The following TENM1 variants were observed in gnomAD, a reference collection of about 807,000 sequenced individuals.
TENM1 encodes the protein teneurin transmembrane protein 1.
In TENM1, 35 loss-of-function variants were observed where a neutral mutation model predicts 174.8. The observed-to-expected ratio is 0.20, with a 90% confidence interval of 0.15 to 0.27. The LOEUF (loss-of-function observed/expected upper bound fraction) is 0.27, where lower values mean the gene tolerates loss of function less well. Among genes scored for constraint, TENM1 ranks in the 10% least tolerant of loss-of-function variants. The pLI, the probability that TENM1 is intolerant of heterozygous loss-of-function variation, is 1.00. For synonymous variants in TENM1, 781 were observed against 798.7 expected (o/e 0.98, Z 0.37); for missense variants, 1,633 against 2,130.1 (o/e 0.77, Z 4.59).
chrX:124,529,125 C>T (rs1340462608), intron 16 of TENM1, among the ~76,000 whole-genome samples: 1 of 111,459 alleles, frequency 9.0e-6, no homozygotes, highest in African/African-American at 3.3e-5. Flanking sequence ...GAGACTAGGG[C>T]ACCTCAAAGC....
At chrX:124,832,846 A>T (rs189084400) in intron 3 of TENM1, among the ~76,000 whole-genome samples, 188 of 112,407 alleles carry the variant, frequency 1.7e-3, no homozygotes, top group Non-Finnish European at 2.7e-3. Flanking sequence ...AAGTGCAGGG[A>T]TTACAACTGT....
intron 3 of TENM1, among the ~76,000 whole-genome samples, chrX:124,821,256 T>C (rs1218268362): frequency 8.9e-6 from 1 of 111,939 alleles, no homozygotes; most frequent in Non-Finnish European, 1.9e-5. Context: ...GTCCTTCCAT[T>C]TCTGAGTCAC....
Position 124,680,916 on chromosome X carries a change from C to G in TENM1, c.1016-9081G>C, listed in dbSNP as rs765680836. ...TTGAGTACTTATTGGCAATAGTAAC[C>G]AGGTTCTTTTAAAAAGACCCAAATA... On this transcript the variant is annotated intron_variant, in intron 5 of 31. Coordinates refer to ENST00000422452, the Ensembl canonical transcript of TENM1. 3.6e-5 allele frequency among the ~76,000 whole-genome samples: 4 copies of G among 110,207 alleles called. No individual in the cohort carries two copies. The South Asian group carries it at 1.5e-3, about 42-fold the overall frequency.
At chrX:125,069,953 T>C in the TENM1 span, among the ~76,000 whole-genome samples, 27 of 110,180 alleles carry the variant, frequency 2.5e-4, no homozygotes, top group African/African-American at 6.3e-4. Context: ...TGGTAGCCCA[T>C]GCCTATACTC....
the TENM1 span, among the ~76,000 whole-genome samples, chrX:125,081,550 C>A: frequency 9.0e-6 from 1 of 111,045 alleles, no homozygotes; most frequent in Non-Finnish European, 1.9e-5. Flanking sequence ...TCCCTCCTAT[C>A]TCACACAGAC....
intron 11 of TENM1, among the ~76,000 whole-genome samples, chrX:124,612,288 T>A (rs987808838): frequency 9.1e-6 from 1 of 110,019 alleles, no homozygotes; most frequent in African/African-American, 3.3e-5. Context: ...GGCGGGGAGC[T>A]TTTCAAACTA....
chrX:125,175,793 T>C, the TENM1 span, among the ~76,000 whole-genome samples: 1 of 111,584 alleles, frequency 9.0e-6, no homozygotes, highest in Non-Finnish European at 1.9e-5. Flanking sequence ...AGCAATACCA[T>C]GACAAATGTG....
chrX:124,731,325 T>C (rs368953163), intron 4 of TENM1, among the ~76,000 whole-genome samples: 1 of 112,118 alleles, frequency 8.9e-6, no homozygotes, highest in African/African-American at 3.2e-5. Context: ...AGAATGATGA[T>C]AGACTTGAAA....
chrX:124,829,520 A>T (rs1275817686), intron 3 of TENM1, among the ~76,000 whole-genome samples: 4 of 111,886 alleles, frequency 3.6e-5, no homozygotes. Flanking sequence ...CCTATTTTTT[A>T]ATATTCGTTG....
the TENM1 span, among the ~76,000 whole-genome samples, chrX:124,993,093 A>G: frequency 0.2 from 22,482 of 110,167 alleles, 2,183 homozygotes; most frequent in African/African-American, 0.36. Context: ...ATCTCCGGTT[A>G]GAGTGTTCAA....
chrX:124,572,589 A>C (rs2049079869), intron 11 of TENM1, among the ~76,000 whole-genome samples: 1 of 111,348 alleles, frequency 9.0e-6, no homozygotes, highest in African/African-American at 3.3e-5. Context: ...AGTCAGCACA[A>C]AAAGGCAACC....
At chrX:124,748,267 T>C (rs1023247321) in intron 3 of TENM1, among the ~76,000 whole-genome samples, 2 of 111,320 alleles carry the variant, frequency 1.8e-5, no homozygotes, top group Non-Finnish European at 3.8e-5. Context: ...TTTCCCATTC[T>C]GGGTAGTTTT....
intron 1 of TENM1, among the ~76,000 whole-genome samples, chrX:124,913,150 A>G (rs757697648): frequency 6.8e-4 from 76 of 111,618 alleles, no homozygotes; most frequent in African/African-American, 2.4e-3. Flanking sequence ...AAATAGAACT[A>G]GCAATTTATA....
At chrX:125,049,821 G>A in the TENM1 span, among the ~76,000 whole-genome samples, 1 of 110,262 alleles carries the variant, frequency 9.1e-6, no homozygotes, top group Non-Finnish European at 1.9e-5. Flanking sequence ...TCATTTGTGT[G>A]TTTTCTTTAG....
chrX:125,123,424 AAAAATAAAAT>A, the TENM1 span, among the ~76,000 whole-genome samples: 2 of 94,979 alleles, frequency 2.1e-5, no homozygotes, highest in Admixed American at 2.4e-4. Flanking sequence ...ATCTCTACAA[AAAAATAAAAT>A]AAAATAAAAT....
rs145164925 is a variant in TENM1, at chrX:124,683,763, A to G, written c.1016-11928T>C. Among the ~76,000 whole-genome samples the G allele has an allele frequency of 2.9e-3, 319 of 111,858 alleles. 2 individuals carry two copies. Among genetic ancestry groups the G allele is most frequent in the African/African-American group, 9.6e-3 (298 of 30,886 alleles). ...TTTGTTGTCCTAAGCTTTGCTCACT[A>G]TTTTTGAAAAAGATGCAAGTTTCTC... On this transcript the variant is annotated intron_variant, in intron 5 of 31. Transcript: ENST00000422452.
At chrX:124,520,248 T>C (rs993665533) in intron 18 of TENM1, among the ~76,000 whole-genome samples, 9 of 111,689 alleles carry the variant, frequency 8.1e-5, no homozygotes, top group Non-Finnish European at 9.4e-5. Context: ...GAAGGCAGCA[T>C]TTGGCTCTGG....
intron 27 of TENM1, among the ~76,000 whole-genome samples, chrX:124,393,898 T>C (rs1406986195): frequency 1.8e-5 from 2 of 112,608 alleles, no homozygotes; most frequent in Non-Finnish European, 3.8e-5. Flanking sequence ...AGTTTTCTTA[T>C]CTGTGAAACA....
At chrX:125,151,608 G>A in the TENM1 span, among the ~76,000 whole-genome samples, 22 of 112,217 alleles carry the variant, frequency 2.0e-4, no homozygotes, top group Non-Finnish European at 3.8e-4. Context: ...ATTGAAAATT[G>A]TGTATATGGT....
Sources: gnomAD v4.1 joint callset for allele counts (sites outside exome capture counted in the v4.1 genomes callset) on GRCh38, gnomAD v4.1.1 for gene constraint, MANE v1.5 for transcripts, NCBI Gene and HGNC (gene_info 2026-07-23, HGNC 2026-07-21) for gene names.